MCM10: variants seen among roughly 807,000 people sequenced by gnomAD.
The protein encoded by MCM10 is minichromosome maintenance 10 replication initiation factor, also known as protein MCM10 homolog.
A neutral mutation model predicts 109.9 loss-of-function variants in MCM10; 91 were observed. The observed-to-expected ratio is 0.83, with a 90% CI of 0.70 to 0.99. The LOEUF (loss-of-function observed/expected upper bound fraction) is 0.99. MCM10 is among the 50% of genes least tolerant of loss of function. MCM10 has a pLI of 0.00. For synonymous variants in MCM10, 380 were observed against 387.2 expected (o/e 0.98, Z 0.22); for missense variants, 1,077 against 1,061.2 (o/e 1.01, Z -0.21).
chr10:13,189,293 G>C (rs1448820212), intron 10 of MCM10, among the ~76,000 whole-genome samples: 1 of 151,768 alleles, frequency 6.6e-6, no homozygotes, highest in Non-Finnish European at 1.5e-5. Context: ...TGTTGTGTTG[G>C]ACTTTAAGAG....
chr10:13,173,515 T>C (rs1032835604), intron 5 of MCM10, among the ~76,000 whole-genome samples: 9 of 152,328 alleles, frequency 5.9e-5, no homozygotes, highest in African/African-American at 2.2e-4. Context: ...GAAAAGGCTT[T>C]CTGCCCTATG....
intron 17 of MCM10, 83 bp from the exon 18 acceptor site, chr10:13,204,136 G>C: frequency 6.6e-7 from 1 of 1,519,094 alleles, no homozygotes. Flanking sequence ...GGTGGTCATG[G>C]AGCAGATTGC....
At chr10:13,191,491 G>A (rs1474337137) in intron 11 of MCM10, 92 bp downstream of exon 11, 2 of 959,170 alleles carry the variant, frequency 2.1e-6, no homozygotes, top group Non-Finnish European at 3.3e-6. Context: ...AGGGTACACT[G>A]CTCCGGTGAT....
At chr10:13,163,128 C>G (rs1833950081) in intron 1 of MCM10, among the ~76,000 whole-genome samples, 1 of 150,420 alleles carries the variant, frequency 6.6e-6, no homozygotes, top group African/African-American at 2.4e-5. Context: ...CACTTGACAT[C>G]AGGAGTTCAA....
At chr10:13,197,546 T>TA in intron 14 of MCM10, 77 bp from the exon 15 acceptor site, 1 of 1,377,154 alleles carries the variant, frequency 7.3e-7, no homozygotes, top group East Asian at 2.3e-5. Context: ...TGGTTACTAA[T>TA]AAAAAAGGGA....
intron 17 of MCM10, chr10:13,201,866 G>A (rs189000252): frequency 6.5e-4 from 164 of 254,152 alleles, no homozygotes; most frequent in African/African-American, 3.3e-3. Context: ...CTCGCTCAGC[G>A]TTCTCAGGCC....
At chr10:13,202,354 C>G (rs1834511437) in intron 17 of MCM10, among the ~76,000 whole-genome samples, 1 of 152,112 alleles carries the variant, frequency 6.6e-6, no homozygotes, top group Admixed American at 6.5e-5. Context: ...GAGATCCTAT[C>G]TCAAAAAGAA....
intron 8 of MCM10, among the ~76,000 whole-genome samples, chr10:13,185,318 G>A (rs1363355830): frequency 2.0e-5 from 3 of 152,212 alleles, no homozygotes; most frequent in Non-Finnish European, 4.4e-5. Context: ...GACAAAGCCC[G>A]AGCTATTCAG....
At chr10:13,195,586 ATTT>A (rs1363692662) in intron 14 of MCM10, 10 of 21,834 alleles carry the variant, frequency 4.6e-4, no homozygotes, top group Non-Finnish European at 8.1e-4. Flanking sequence ...TTTTACGTTT[ATTT>A]ATTTATTTAT....
At chr10:13,166,417 C>G (rs1833997519) in intron 2 of MCM10, among the ~76,000 whole-genome samples, 1 of 151,934 alleles carries the variant, frequency 6.6e-6, no homozygotes, top group African/African-American at 2.4e-5. Context: ...AGGTGGATCA[C>G]CTGAGGTCAG....
In MCM10 at chr10:13,197,684, G is replaced by T. The variant is rs751539198; in HGVS notation, c.2036G>T (p.Ser679Ile). ...GQVLTKTNPN[S>I]IKKKQKDPQD... Reference sequence around the variant, plus strand: ...GTTCTTACAAAAACAAACCCAAACAGCATTAAGAAGAAACAAAAGGACCCT... The same window carrying T: ...GTTCTTACAAAAACAAACCCAAACATCATTAAGAAGAAACAAAAGGACCCT... Residue 679 changes from serine (S) to isoleucine (I), a missense_variant, in exon 15 of 20, where the codon AGC becomes ATC. By Grantham distance (142) the Ser-to-Ile change is moderately radical. Coordinates refer to ENST00000378714, the MANE Select transcript of MCM10 (RefSeq NM_018518.5). 1.3e-5 allele frequency: 21 copies of T among 1,613,910 alleles called. No individual in the cohort carries two copies. In the South Asian group the frequency reaches 2.2e-4, roughly 17 times the overall value.
At chr10:13,191,039 CT>C (rs113096192) in intron 10 of MCM10, among the ~76,000 whole-genome samples, 4 of 151,348 alleles carry the variant, frequency 2.6e-5, no homozygotes, top group Admixed American at 2.0e-4. Flanking sequence ...AAAGCATTGG[CT>C]TTTTTTTTAT....
At chr10:13,179,266 CT>C (rs1437339501) in intron 6 of MCM10, among the ~76,000 whole-genome samples, 1 of 152,138 alleles carries the variant, frequency 6.6e-6, no homozygotes, top group Non-Finnish European at 1.5e-5. Context: ...TGATGAGGCT[CT>C]TTTCTTGGTG....
At chr10:13,201,685 A>G (rs1834502260) in intron 17 of MCM10, 151 bp downstream of exon 17, 2 of 619,762 alleles carry the variant, frequency 3.2e-6, no homozygotes, top group Non-Finnish European at 5.7e-6. Flanking sequence ...GTGGCCCAGG[A>G]CCCGGCTTCC....
chr10:13,167,837 TC>T (rs1438110882), intron 2 of MCM10, among the ~76,000 whole-genome samples: 1 of 152,206 alleles, frequency 6.6e-6, no homozygotes, highest in East Asian at 1.9e-4. Flanking sequence ...TTAAATGCTT[TC>T]CATTCAAGAG....
At chr10:13,162,012 T>C (rs1335623714) in intron 1 of MCM10, among the ~76,000 whole-genome samples, 1 of 152,080 alleles carries the variant, frequency 6.6e-6, no homozygotes, top group Non-Finnish European at 1.5e-5. Flanking sequence ...GCGCTTACAG[T>C]TTAAAGGCAC....
At chr10:13,205,077 A>G (rs1224057786) in intron 18 of MCM10, among the ~76,000 whole-genome samples, 2 of 133,186 alleles carry the variant, frequency 1.5e-5, no homozygotes, top group African/African-American at 5.5e-5. Flanking sequence ...TTTAAGGGGC[A>G]CAAGTGCAAT....
At chr10:13,203,639 C>G (rs1834529334) in intron 17 of MCM10, among the ~76,000 whole-genome samples, 1 of 152,176 alleles carries the variant, frequency 6.6e-6, no homozygotes, top group Non-Finnish European at 1.5e-5. Flanking sequence ...TTACATCGCT[C>G]TCTACTGCAC....
At chr10:13,204,611 T>C (rs7093902) in intron 18 of MCM10, 75,375 of 397,862 alleles carry the variant, frequency 0.19, 8,747 homozygotes, top group African/African-American at 0.34. Context: ...GTTTGTTGAA[T>C]AAATAAGTGA....
Sources: allele counts gnomAD v4.1 joint callset (sites outside exome capture counted in the v4.1 genomes callset), GRCh38; gene constraint gnomAD v4.1.1; transcripts MANE v1.5; gene names NCBI Gene and HGNC (gene_info 2026-07-23, HGNC 2026-07-21).